The following PARD3 variants were observed in gnomAD, a reference collection of about 807,000 sequenced individuals.
The protein encoded by PARD3 is partitioning defective 3 homolog.
Under a neutral mutation model 155.4 loss-of-function variants are expected in PARD3, and 75 were observed. The observed-to-expected ratio is 0.48, with a 90% CI of 0.40 to 0.58. The LOEUF (loss-of-function observed/expected upper bound fraction) is 0.58. Ranked by LOEUF, PARD3 falls within the 20% of genes least tolerant of loss-of-function variation. PARD3 has a pLI of 0.00. For missense variants in PARD3, 1,642 were observed against 1,721.7 expected (o/e 0.95, Z 0.82); for synonymous variants, 576 against 610.5 (o/e 0.94, Z 0.83).
chr10:34,696,746 G>A lies in PARD3; in HGVS notation c.121-327C>T, dbSNP rs555390999. On this transcript the variant is annotated intron_variant, in intron 1 of 24. Coordinates refer to ENST00000374788, the MANE Select transcript of PARD3 (RefSeq NM_001184785.2). ...CTAGATTTCCTATTGCCCAATATAT[G>A]AAATACTTATTATACTTATTAACCC... Among the ~76,000 whole-genome samples the A allele has an allele frequency of 1.5e-4, 22 of 149,690 alleles. No homozygotes were observed. In the Admixed American group the frequency reaches 1.5e-3, roughly 10 times the overall value.
chr10:34,410,313 T>C (rs1163474589), intron 5 of PARD3, among the ~76,000 whole-genome samples: 1 of 152,028 alleles, frequency 6.6e-6, no homozygotes, highest in Admixed American at 6.5e-5. Context: ...TTTTTTTAGA[T>C]CATATAGGTT....
intron 2 of PARD3, among the ~76,000 whole-genome samples, chr10:34,641,079 CA>C (rs1326924613): frequency 1.3e-5 from 2 of 152,116 alleles, no homozygotes; most frequent in African/African-American, 4.8e-5. Flanking sequence ...AATATACACA[CA>C]AAAGTATTTG....
chr10:34,135,782 T>C (rs1417275180), intron 22 of PARD3, among the ~76,000 whole-genome samples: 2 of 152,258 alleles, frequency 1.3e-5, no homozygotes, highest in East Asian at 3.9e-4. Flanking sequence ...TCAAAGAGCT[T>C]GTTAAAAAAA....
At chr10:34,735,768 G>A (rs934442636) in intron 1 of PARD3, among the ~76,000 whole-genome samples, 8 of 152,064 alleles carry the variant, frequency 5.3e-5, no homozygotes, top group African/African-American at 1.9e-4. Flanking sequence ...AAAGTAAGTG[G>A]CGGATATCAG....
At chr10:34,502,505 C>T (rs983469018) in intron 3 of PARD3, among the ~76,000 whole-genome samples, 2 of 152,186 alleles carry the variant, frequency 1.3e-5, no homozygotes, top group African/African-American at 2.4e-5. Context: ...CTGTAATAAA[C>T]TCTTAAGCCC....
At chr10:34,599,140 G>A (rs962546960) in intron 2 of PARD3, among the ~76,000 whole-genome samples, 2 of 152,016 alleles carry the variant, frequency 1.3e-5, no homozygotes, top group Admixed American at 6.6e-5. Context: ...ACAAGCAACC[G>A]CATCCCCACT....
intron 2 of PARD3, among the ~76,000 whole-genome samples, chr10:34,576,835 T>G (rs2086928109): frequency 6.6e-6 from 1 of 152,242 alleles, no homozygotes; most frequent in Admixed American, 6.5e-5. Flanking sequence ...CTGTATAGCT[T>G]CTCTGCATCT....
chr10:34,416,536 G>C (rs987609933), intron 5 of PARD3, among the ~76,000 whole-genome samples: 1 of 152,162 alleles, frequency 6.6e-6, no homozygotes, highest in African/African-American at 2.4e-5. Flanking sequence ...GCACCTATCA[G>C]GGCCAGGCTT....
intron 21 of PARD3, among the ~76,000 whole-genome samples, chr10:34,272,055 C>T (rs1029990547): frequency 2.6e-5 from 4 of 152,080 alleles, no homozygotes; most frequent in African/African-American, 9.7e-5. Flanking sequence ...AAAAACAATT[C>T]AATGTAATAA....
intron 24 of PARD3, among the ~76,000 whole-genome samples, chr10:34,119,300 G>A (rs1331391768): frequency 6.6e-6 from 1 of 152,138 alleles, no homozygotes; most frequent in African/African-American, 2.4e-5. Flanking sequence ...TTTTTCAGAT[G>A]AAGATACTGT....
At chr10:34,127,095 A>G (rs527253148) in intron 23 of PARD3, among the ~76,000 whole-genome samples, 154 of 152,364 alleles carry the variant, frequency 1.0e-3, no homozygotes, top group Middle Eastern at 6.8e-3. Flanking sequence ...ATAGAAATGC[A>G]TTCCAGCCTA....
chr10:34,791,909 C>T (rs1390745198), intron 1 of PARD3, among the ~76,000 whole-genome samples: 1 of 151,946 alleles, frequency 6.6e-6, no homozygotes, highest in Non-Finnish European at 1.5e-5. Context: ...TTATGGCTGT[C>T]ACCTCCTCTG....
At chr10:34,777,560 C>CAG (rs1191222948) in intron 1 of PARD3, among the ~76,000 whole-genome samples, 3 of 152,116 alleles carry the variant, frequency 2.0e-5, no homozygotes, top group Non-Finnish European at 4.4e-5. Context: ...TTTTTAGAGA[C>CAG]AGGGTCTCAC....
In PARD3 at chr10:34,382,263, G is replaced by T. The variant is rs115018558; in HGVS notation, c.1399+277C>A. 7.3e-3 allele frequency among the ~76,000 whole-genome samples: 1,105 copies of T among 152,238 alleles called. 12 individuals carry two copies. The highest frequency in any genetic ancestry group is 0.025 in the African/African-American group (1,048 of 41,530). ...AATCAAAAATTTTACTACAGTAACT[G>T]CTATCTTCTTCTCATAGACATAGTC... On this transcript the variant is annotated intron_variant, in intron 9 of 24. Coordinates refer to ENST00000374788, the MANE Select transcript of PARD3 (RefSeq NM_001184785.2).
chr10:34,122,802 A>G (rs1947077421), intron 23 of PARD3, among the ~76,000 whole-genome samples: 1 of 152,222 alleles, frequency 6.6e-6, no homozygotes, highest in African/African-American at 2.4e-5. Flanking sequence ...ACCTCTTAAA[A>G]ACAAAAACTG....
chr10:34,743,103 T>C (rs897522094), intron 1 of PARD3, among the ~76,000 whole-genome samples: 4 of 150,034 alleles, frequency 2.7e-5, no homozygotes, highest in Non-Finnish European at 4.4e-5. Flanking sequence ...TTAAATCTTA[T>C]CATCATCATC....
chr10:34,499,994 G>GA (rs1409457941), intron 3 of PARD3, among the ~76,000 whole-genome samples: 17 of 152,196 alleles, frequency 1.1e-4, no homozygotes, highest in African/African-American at 4.1e-4. Context: ...ACATCCACAA[G>GA]AAAAAAAGTC....
intron 2 of PARD3, among the ~76,000 whole-genome samples, chr10:34,529,380 G>T (rs1349383830): frequency 2.0e-5 from 3 of 152,208 alleles, no homozygotes; most frequent in Non-Finnish European, 2.9e-5. Context: ...ACTAGGGAAA[G>T]AAAAGTAGCA....
chr10:34,561,005 A>G (rs1455975292), intron 2 of PARD3, among the ~76,000 whole-genome samples: 1 of 152,226 alleles, frequency 6.6e-6, no homozygotes, highest in Non-Finnish European at 1.5e-5. Context: ...TTTAAAGCAA[A>G]AAGAAATCCT....
Sources: gnomAD v4.1 joint callset for allele counts (sites outside exome capture counted in the v4.1 genomes callset) on GRCh38, gnomAD v4.1.1 for gene constraint, MANE v1.5 for transcripts, NCBI Gene and HGNC (gene_info 2026-07-23, HGNC 2026-07-21) for gene names.